PGA3: variants seen among roughly 807,000 people sequenced by gnomAD.
PGA3 encodes the protein pepsinogen A3, also known as pepsin A-3.
In PGA3, 1 loss-of-function variant was observed where a neutral mutation model predicts 15.6. The observed-to-expected ratio is 0.06, with a 90% confidence interval of 0.02 to 0.30. The LOEUF (loss-of-function observed/expected upper bound fraction) is 0.30, where lower values mean the gene tolerates loss of function less well. Ranked by LOEUF, PGA3 falls within the 10% of genes least tolerant of loss-of-function variation. The probability of loss-of-function intolerance (pLI) is 1.00; values close to 1 mark genes in which losing one functional copy is unlikely to be tolerated. For synonymous variants in PGA3, 14 were observed against 79.5 expected, an observed-to-expected ratio of 0.18 and a Z score of 4.38; for missense variants, 29 against 183.7, an observed-to-expected ratio of 0.16 and a Z score of 4.87.
At chr11:61,207,034 A>AG (rs1338834123) in intron 3 of PGA3, among the ~76,000 whole-genome samples, 2 of 51,376 alleles carry the variant, frequency 3.9e-5, no homozygotes, top group Non-Finnish European at 5.3e-5. Context: ...TAAAAAAAAA[A>AG]AAAGAATCAT....
chr11:61,211,654 G>A (rs79376486), intron 8 of PGA3, among the ~76,000 whole-genome samples: 40,375 of 139,990 alleles, frequency 0.29, 6,759 homozygotes, highest in Middle Eastern at 0.4. Context: ...GTGAAGCAAA[G>A]GTTAATGGAG....
intron 2 of PGA3, 187 bp downstream of exon 2, chr11:61,204,456 C>T (rs1167854720): frequency 1.2e-5 from 5 of 417,244 alleles, no homozygotes; most frequent in Admixed American, 3.8e-5. Flanking sequence ...TTCATTCATT[C>T]GTTCACTCGT....
At chr11:61,203,886 AT>A (rs1019955642) in intron 1 of PGA3, 21 of 593,880 alleles carry the variant, frequency 3.5e-5, no homozygotes, top group Non-Finnish European at 5.8e-5. Flanking sequence ...CCTTCCTTCC[AT>A]CTTCCTCTCT....
At position 61,211,171 on chromosome 11, in the gene PGA3, C is replaced by A; in HGVS notation, c.855C>A (p.Gly285=). The A allele has an allele frequency of 2.1e-6, 1 of 481,984 alleles. No individual in the cohort carries two copies. Among genetic ancestry groups the A allele is most frequent in the South Asian group, 2.1e-5 (1 of 48,184 alleles). 29.9% of individuals were successfully genotyped at this position (481,984 alleles called of 1,614,324 possible). ...ACACCGGCACCTCTCTGCTGACCGG[C>A]CCAACCAGCCCCATTGCCAACATCC... ...IVDTGTSLLT[G]PTSPIANIQS... Residue 285 remains glycine, a synonymous_variant, in exon 7 of 9, where the codon GGC becomes GGA. Transcript: ENST00000325558.
intron 1 of PGA3, 72 bp from the exon 2 acceptor site, chr11:61,204,034 TC>T (rs1275051982): frequency 6.6e-6 from 5 of 762,038 alleles, no homozygotes; most frequent in Non-Finnish European, 1.1e-5. Flanking sequence ...CAGCTTCCCT[TC>T]CCTTCTGGGG....
intron 8 of PGA3, 40 bp downstream of exon 8, chr11:61,211,475 A>C: frequency 9.5e-7 from 1 of 1,050,398 alleles, no homozygotes; most frequent in African/African-American, 1.5e-5. Context: ...GGGTTCACAC[A>C]GAATGTGGAC....
chr11:61,204,624 C>T, intron 2 of PGA3: 1 of 485,486 alleles, frequency 2.1e-6, no homozygotes, highest in Non-Finnish European at 3.8e-6. Flanking sequence ...AGGAGGACTA[C>T]AGAGTGACGG....
In PGA3 at chr11:61,211,611, T is replaced by G. The variant is rs543859402; in HGVS notation, c.1017+176T>G. On this transcript the variant is annotated intron_variant, in intron 8 of 8. Coordinates refer to ENST00000325558, the MANE Select transcript of PGA3 (RefSeq NM_001079807.4). ...AATATATTAAAAACAAATGCAGGAATAAGAACTCGGATACAGCCCCCTAAG... is the reference window on the plus strand; with the variant it reads ...AATATATTAAAAACAAATGCAGGAAGAAGAACTCGGATACAGCCCCCTAAG... 3.8e-3 allele frequency among the ~76,000 whole-genome samples: 561 copies of G among 148,834 alleles called. 8 individuals are homozygous for G. Among genetic ancestry groups the G allele is most frequent in the African/African-American group, 0.013 (537 of 41,044 alleles).
chr11:61,203,804 G>A (rs1853893457), intron 1 of PGA3, 184 bp downstream of exon 1: 1 of 1,008,658 alleles, frequency 9.9e-7, no homozygotes, highest in Non-Finnish European at 1.5e-6. Flanking sequence ...GGCCCAGCCT[G>A]ACTGTGGTTC....
At chr11:61,205,994 T>TTAAAAA (rs376217050) in intron 2 of PGA3, 1,799 of 132,676 alleles carry the variant, frequency 0.014, 16 homozygotes, top group South Asian at 0.035. Context: ...GAGACTTGTC[T>TTAAAAA]CAAAAAAAAA....
intron 2 of PGA3, among the ~76,000 whole-genome samples, chr11:61,205,339 T>C (rs1250937976): frequency 6.6e-6 from 1 of 152,050 alleles, no homozygotes; most frequent in East Asian, 1.9e-4. Flanking sequence ...CCAGAGGCTA[T>C]GCAAGTTGCC....
chr11:61,206,528 A>G lies in PGA3; in HGVS notation c.238A>G (p.Ile80Val). ...NYLDMEYFGTIGIGTPAQDFT... is the reference protein window; with the variant it reads ...NYLDMEYFGTVGIGTPAQDFT... ...TGGACAGATGGAGTACTTCGGCACTATCGGCATCGGAACTCCTGCCCAGGA... is the reference window on the plus strand; with the variant it reads ...TGGACAGATGGAGTACTTCGGCACTGTCGGCATCGGAACTCCTGCCCAGGA... Residue 80 changes from isoleucine to valine, a missense_variant, in exon 3 of 9, where the codon ATC becomes GTC. Physicochemically the swap from Ile to Val is conservative, Grantham distance 29 (BLOSUM62 3). Transcript: ENST00000325558. 1.5e-5 allele frequency: 1 copy of G among 68,900 alleles called. No individual in the cohort carries two copies. Among genetic ancestry groups the G allele is most frequent in the South Asian group, 7.1e-5 (1 of 14,150 alleles). The allele number at this position is 68,900 out of a possible 1,614,324, so 4.3% of individuals were successfully genotyped here.
Position 61,212,860 on chromosome 11 carries a change from C to T in PGA3, c.*158C>T. ...TAACGTAGAATAAAAACATAACCCA[C>T]TGAAACAGGTTTTGTGGAGCTGCTT... On this transcript the variant is annotated 3_prime_UTR_variant, in exon 9 of 9. Coordinates refer to ENST00000325558, the MANE Select transcript of PGA3 (RefSeq NM_001079807.4). 3.6e-6 allele frequency: 1 copy of T among 277,884 alleles called. No homozygotes were observed. Among genetic ancestry groups the T allele is most frequent in the Non-Finnish European group, 7.0e-6 (1 of 143,466 alleles). 17.2% of individuals were successfully genotyped at this position (277,884 alleles called of 1,614,324 possible). A position where few individuals can be genotyped will look rare whatever the true frequency, so the allele number is the denominator to read the frequency against.
intron 2 of PGA3, among the ~76,000 whole-genome samples, chr11:61,205,237 G>C (rs1853911846): frequency 1.3e-5 from 2 of 151,902 alleles, no homozygotes; most frequent in Admixed American, 6.6e-5. Context: ...GGAGTGCTTA[G>C]CATGGGGTCT....
At position 61,204,126 on chromosome 11, in the gene PGA3, A is replaced by T; in HGVS notation, c.76A>T (p.Lys26Ter). Residue 26 changes from lysine to a stop codon, truncating the protein, a stop_gained, in exon 2 of 9, where the codon AAG becomes TAG. Transcript: ENST00000325558. LOFTEE classifies it high-confidence loss of function. ...IMYKVPLIRK[K>*]SLRRTLSERG... ...CCACAGGGTCCCCCTCATCAGAAAG[A>T]AGTCCTTGAGGCGCACCCTGTCCGA... 7.5e-7 allele frequency: 1 copy of T among 1,337,216 alleles called. No homozygotes were observed. The allele number at this position is 1,337,216 out of a possible 1,614,324, so 82.8% of individuals were successfully genotyped here.
intron 2 of PGA3, chr11:61,206,167 G>T (rs1341091370): frequency 6.8e-5 from 11 of 162,712 alleles, no homozygotes; most frequent in African/African-American, 1.8e-4. Context: ...GTGCTAGAAG[G>T]TTCCACCGCC....
intron 8 of PGA3, among the ~76,000 whole-genome samples, 196 bp downstream of exon 8, chr11:61,211,631 C>T (rs1853948625): frequency 6.7e-6 from 1 of 149,512 alleles, no homozygotes; most frequent in Non-Finnish European, 1.5e-5. Context: ...GATACAGCCC[C>T]CTAAGGGAAC....
chr11:61,204,967 C>A (rs184570014), intron 2 of PGA3, among the ~76,000 whole-genome samples: 76 of 152,294 alleles, frequency 5.0e-4, no homozygotes, highest in African/African-American at 1.8e-3. Flanking sequence ...ATAGCAAACA[C>A]CCTGCCCTCC....
In PGA3 at chr11:61,205,527, C is replaced by T. The variant is rs1296128090; in HGVS notation, c.220-983C>T. On this transcript the variant is annotated intron_variant, in intron 2 of 8. Transcript: ENST00000325558. Reference sequence around the variant, plus strand: ...TTTAGATAAAGTGGTCACGGAAGGCCTGTTGGCAGAGGGGACATTTGACTA... The same window carrying T: ...TTTAGATAAAGTGGTCACGGAAGGCTTGTTGGCAGAGGGGACATTTGACTA... 7.2e-5 allele frequency among the ~76,000 whole-genome samples: 11 copies of T among 151,764 alleles called. 1 individual carries two copies. In the East Asian group the frequency reaches 2.1e-3, roughly 29 times the overall value.
Sources: gnomAD v4.1 joint callset for allele counts (sites outside exome capture counted in the v4.1 genomes callset) on GRCh38, gnomAD v4.1.1 for gene constraint, MANE v1.5 for transcripts, NCBI Gene and HGNC (gene_info 2026-07-23, HGNC 2026-07-21) for gene names.